CADM1: variants seen among roughly 807,000 people sequenced by gnomAD.
CADM1 encodes the protein cell adhesion molecule 1.
A neutral mutation model predicts 53.1 loss-of-function variants in CADM1; 15 were observed. The observed-to-expected ratio is 0.28, with a 90% CI of 0.19 to 0.44. The LOEUF (loss-of-function observed/expected upper bound fraction) is 0.44, where lower values mean the gene tolerates loss of function less well. Among genes scored for constraint, CADM1 ranks in the 20% least tolerant of loss-of-function variants. The pLI, the probability that CADM1 is intolerant of heterozygous loss-of-function variation, is 1.00. For synonymous variants in CADM1, 281 were observed against 243.0 expected (o/e 1.16, Z -1.45); for missense variants, 434 against 611.3 (o/e 0.71, Z 3.06).
chr11:115,324,835 T>G (rs1030180608), intron 1 of CADM1, among the ~76,000 whole-genome samples: 5 of 152,162 alleles, frequency 3.3e-5, no homozygotes, highest in Admixed American at 6.6e-5. Flanking sequence ...GTGTCTAGAT[T>G]GAAGCGCTGA....
At chr11:115,389,796 A>G (rs1021304831) in intron 1 of CADM1, among the ~76,000 whole-genome samples, 1 of 151,950 alleles carries the variant, frequency 6.6e-6, no homozygotes, top group Non-Finnish European at 1.5e-5. Flanking sequence ...AATTAATTAG[A>G]TATATAATCT....
intron 1 of CADM1, among the ~76,000 whole-genome samples, chr11:115,378,238 C>T (rs1434356832): frequency 6.6e-6 from 1 of 152,144 alleles, no homozygotes; most frequent in African/African-American, 2.4e-5. Flanking sequence ...AAACTGACAG[C>T]ATCCTCAGGA....
intron 1 of CADM1, among the ~76,000 whole-genome samples, chr11:115,293,861 GTTATTC>G (rs1439962256): frequency 6.6e-6 from 1 of 152,194 alleles, no homozygotes; most frequent in Non-Finnish European, 1.5e-5. Flanking sequence ...CATAAGGCCA[GTTATTC>G]TATATAAATG....
intron 1 of CADM1, among the ~76,000 whole-genome samples, chr11:115,442,035 C>T (rs1948325922): frequency 6.6e-6 from 1 of 151,730 alleles, no homozygotes; most frequent in Admixed American, 6.6e-5. Flanking sequence ...CAGCATGGAG[C>T]CAAGTGAACA....
At chr11:115,497,316 G>GAA (rs949858356) in intron 1 of CADM1, among the ~76,000 whole-genome samples, 1 of 152,046 alleles carries the variant, frequency 6.6e-6, no homozygotes, top group Non-Finnish European at 1.5e-5. Context: ...TCTACTAAAA[G>GAA]AAAAAATTTC....
At chr11:115,201,392 G>A (rs185985639) in intron 8 of CADM1, among the ~76,000 whole-genome samples, 21 of 152,288 alleles carry the variant, frequency 1.4e-4, no homozygotes, top group Admixed American at 5.9e-4. Context: ...AGGAGACCAC[G>A]ATGACAGAAT....
intron 1 of CADM1, among the ~76,000 whole-genome samples, chr11:115,244,683 C>T (rs1942353127): frequency 6.6e-6 from 1 of 152,204 alleles, no homozygotes; most frequent in African/African-American, 2.4e-5. Context: ...CTTTACCAGC[C>T]AGCATCAGGC....
intron 1 of CADM1, among the ~76,000 whole-genome samples, chr11:115,463,344 A>G (rs1948834062): frequency 1.3e-5 from 2 of 152,308 alleles, no homozygotes; most frequent in African/African-American, 2.4e-5. Context: ...CTAGCTACCA[A>G]TGTCAACATT....
intron 1 of CADM1, among the ~76,000 whole-genome samples, chr11:115,395,375 A>T (rs1946969474): frequency 6.6e-6 from 1 of 152,230 alleles, no homozygotes; most frequent in Non-Finnish European, 1.5e-5. Context: ...TTACTAAACC[A>T]ATGCATTAAT....
chr11:115,351,888 A>G (rs1015078556), intron 1 of CADM1, among the ~76,000 whole-genome samples: 1 of 152,202 alleles, frequency 6.6e-6, no homozygotes, highest in Non-Finnish European at 1.5e-5. Flanking sequence ...AAGAAAGACA[A>G]TGGTTTTCCT....
chr11:115,180,533 A>G (rs1939260471), intron 10 of CADM1, among the ~76,000 whole-genome samples: 3 of 152,150 alleles, frequency 2.0e-5, no homozygotes, highest in Admixed American at 2.0e-4. Flanking sequence ...GTGGAGAGGA[A>G]TCTCCCTCCT....
chr11:115,223,764 G>A (rs1269525728), intron 5 of CADM1, among the ~76,000 whole-genome samples: 1 of 152,008 alleles, frequency 6.6e-6, no homozygotes, highest in Non-Finnish European at 1.5e-5. Context: ...TATAATATCA[G>A]GAACTTGGAA....
Position 115,229,125 on chromosome 11 carries a change from G to A in CADM1, c.709C>T (p.Leu237=), listed in dbSNP as rs1941723698. Residue 237 remains leucine, a synonymous_variant, in exon 5 of 12, where the codon CTA becomes TTA. Coordinates refer to ENST00000331581, the MANE Select transcript of CADM1 (RefSeq NM_001301043.2). ...VTGNLQTQRY[L]EVQYKPQVHI... ...CCAGGGTACTCACACTGTACTTCTA[G>A]ATACCGCTGGGTCTGCAGGTTTCCA... The A allele has an allele frequency of 6.2e-7, 1 of 1,613,956 alleles. No homozygotes were observed. Among genetic ancestry groups the A allele is most frequent in the Admixed American group, 1.7e-5 (1 of 60,032 alleles).
chr11:115,288,867 T>C (rs1167830872), intron 1 of CADM1, among the ~76,000 whole-genome samples: 1 of 152,160 alleles, frequency 6.6e-6, no homozygotes, highest in African/African-American at 2.4e-5. Flanking sequence ...TCTTTAACCT[T>C]CCCATCTTGA....
chr11:115,242,497 G>T (rs1942274282), intron 1 of CADM1, among the ~76,000 whole-genome samples: 1 of 152,124 alleles, frequency 6.6e-6, no homozygotes, highest in African/African-American at 2.4e-5. Context: ...TTTTCAAGGT[G>T]GTTTTGCTGG....
intron 7 of CADM1, among the ~76,000 whole-genome samples, chr11:115,210,497 G>A (rs1591607444): frequency 6.6e-6 from 1 of 152,222 alleles, no homozygotes; most frequent in African/African-American, 2.4e-5. Context: ...ATTATTTGGA[G>A]ACAAGGGAGG....
rs925128550 is a variant in CADM1 at position 115,176,540 on chromosome 11, G to A, written c.1350C>T (p.Asp450=). 1 of 1,614,088 alleles carries A rather than the reference G, an allele frequency of 6.2e-7. No individual in the cohort carries two copies. The highest frequency in any genetic ancestry group is 1.7e-5 in the Admixed American group (1 of 60,018). ...CTCCTTCTGCATTGATTATAGCTGT[G>A]TCTGCGTCTGCTGCGTCATCGGCTC... ...AKGADDAADA[D]TAIINAEGGQ... is the part of the protein sequence containing the mutation. The change falls in exon 12 of 12, where the codon GAC becomes GAT. Residue 450 remains aspartate (D), a synonymous_variant. Transcript: ENST00000331581.
intron 1 of CADM1, among the ~76,000 whole-genome samples, chr11:115,349,405 A>T (rs1324658208): frequency 1.3e-5 from 2 of 152,234 alleles, no homozygotes; most frequent in African/African-American, 4.8e-5. Flanking sequence ...AAAGAGCATG[A>T]CAACCCAACC....
At chr11:115,326,765 A>G (rs1944970026) in intron 1 of CADM1, among the ~76,000 whole-genome samples, 1 of 152,196 alleles carries the variant, frequency 6.6e-6, no homozygotes, top group Admixed American at 6.5e-5. Context: ...GAGCTTGGCA[A>G]CCATTGAATT....
Sources: allele counts gnomAD v4.1 joint callset (sites outside exome capture counted in the v4.1 genomes callset), GRCh38; gene constraint gnomAD v4.1.1; transcripts MANE v1.5; gene names NCBI Gene and HGNC (gene_info 2026-07-23, HGNC 2026-07-21).